Variants in CENPO observed in about 807,000 individuals in gnomAD.
CENPO encodes the protein centromeric protein O.
In CENPO, 30 loss-of-function variants were observed where a neutral mutation model predicts 36.1. The ratio of observed to expected loss-of-function variants is 0.83; its 90% CI spans 0.62 to 1.13. CENPO has a LOEUF of 1.13. Ranked by LOEUF, CENPO falls within the 50% of genes most tolerant of loss-of-function variation. The probability of loss-of-function intolerance (pLI) is 0.00; values close to 1 mark genes in which losing one functional copy is unlikely to be tolerated. For synonymous variants in CENPO, 171 were observed against 142.3 expected (o/e 1.20, Z -1.44); for missense variants, 349 against 357.8 (o/e 0.98, Z 0.20).
chr2:24,816,963 C>T (rs1666963489), intron 6 of CENPO, 146 bp downstream of exon 6: 4 of 648,458 alleles, frequency 6.2e-6, no homozygotes, highest in South Asian at 3.5e-5. Flanking sequence ...TAAGATAGAA[C>T]ATTCTTGTTT....
At chr2:24,795,227 A>G (rs1665839821) in intron 2 of CENPO, among the ~76,000 whole-genome samples, 4 of 152,130 alleles carry the variant, frequency 2.6e-5, no homozygotes, top group Non-Finnish European at 1.5e-5. Flanking sequence ...CCAAAACAAT[A>G]TTTAAACACT....
In CENPO at chr2:24,820,667, T is replaced by TC. The variant is rs1667499254; in HGVS notation, c.*1351dup. On this transcript the variant is annotated 3_prime_UTR_variant, in exon 8 of 8. Transcript: ENST00000380834. ...GCAGGGGCACGTGGGAAAGCACTGTTCCGGTTTTGTTCTCATGCCGAGTCT... is the reference window on the plus strand; with the variant it reads ...GCAGGGGCACGTGGGAAAGCACTGTTCCCGGTTTTGTTCTCATGCCGAGTCT... 1.9e-6 allele frequency: 3 copies of TC among 1,607,322 alleles called. No homozygotes were observed. In the African/African-American group the frequency reaches 4.0e-5, roughly 21 times the overall value.
chr2:24,799,768 C>G lies in CENPO; in HGVS notation c.140C>G (p.Ala47Gly). 6.2e-7 allele frequency: 1 copy of G among 1,614,040 alleles called. No individual in the cohort carries two copies. Among genetic ancestry groups the G allele is most frequent in the Non-Finnish European group, 8.5e-7 (1 of 1,180,032 alleles). ...ELQSVQAQEG[A>G]LGTKIHKLRR... Reference sequence around the variant, plus strand: ...CAGAGCGTGCAGGCCCAGGAAGGTGCTCTTGGAACCAAGATTCATAAACTA... The same window carrying G: ...CAGAGCGTGCAGGCCCAGGAAGGTGGTCTTGGAACCAAGATTCATAAACTA... Residue 47 changes from alanine (A) to glycine (G), a missense_variant, in exon 3 of 8, where the codon GCT becomes GGT. Ala to Gly is a moderately conservative substitution (Grantham distance 60, BLOSUM62 0). Coordinates refer to ENST00000380834, the MANE Select transcript of CENPO (RefSeq NM_001322101.2).
Position 24,821,986 on chromosome 2 carries a change from G to A in CENPO, c.*2668G>A. Reference sequence around the variant, plus strand: ...CTCAACTAGGTGATAAGCACTGGAGGGGGATGACCCGCCTTGGACGTGTTT... The same window carrying A: ...CTCAACTAGGTGATAAGCACTGGAGAGGGATGACCCGCCTTGGACGTGTTT... On this transcript the variant is annotated 3_prime_UTR_variant, in exon 8 of 8. Transcript: ENST00000380834. The A allele has an allele frequency of 7.6e-6, 2 of 262,562 alleles. No individual in the cohort carries two copies. The highest frequency in any genetic ancestry group is 9.0e-5 in the East Asian group (1 of 11,076). The allele number at this position is 262,562 out of a possible 1,614,324, so 16.3% of individuals were successfully genotyped here.
chr2:24,821,919 T>TCCTGGG lies in CENPO; in HGVS notation c.*2606_*2607insGCCTGG. ...ACCCCTTCACCTTGGCTGGGCCTGG[T>TCCTGGG]CCTGGTCCTTAGGTTTTGTCAGGTT... On this transcript the variant is annotated 3_prime_UTR_variant, in exon 8 of 8. Transcript: ENST00000380834. The TCCTGGG allele has an allele frequency of 5.1e-6, 2 of 392,194 alleles. No homozygotes were observed. Among genetic ancestry groups the TCCTGGG allele is most frequent in the East Asian group, 1.0e-4 (2 of 19,876 alleles). 24.3% of individuals were successfully genotyped at this position (392,194 alleles called of 1,614,324 possible). A position where few individuals can be genotyped will look rare whatever the true frequency, so the allele number is the denominator to read the frequency against.
Position 24,815,607 on chromosome 2 carries a change from C to T in CENPO, c.445C>T (p.Arg149Trp), listed in dbSNP as rs369252068. The change falls in exon 5 of 8, where the codon CGG becomes TGG. Residue 149 changes from arginine (R) to tryptophan (W), a missense_variant. By Grantham distance (101) the Arg-to-Trp change is moderately radical. Transcript: ENST00000380834. ...FVDLVIQKPL[R>W]IHHHSVPVFI... ...GGACCTTGTCATACAGAAACCACTC[C>T]GGATACATCACCATTCAGTCCCAGT... The T allele has an allele frequency of 2.2e-5, 35 of 1,613,946 alleles. No individual in the cohort carries two copies. The highest frequency in any genetic ancestry group is 1.6e-4 in the Middle Eastern group (1 of 6,084).
At chr2:24,809,113 C>T (rs1666562641) in intron 3 of CENPO, among the ~76,000 whole-genome samples, 1 of 152,166 alleles carries the variant, frequency 6.6e-6, no homozygotes, top group African/African-American at 2.4e-5. Context: ...TGTAAACTCT[C>T]ACATTTAAAG....
chr2:24,815,311 G>GT (rs1471581211), intron 4 of CENPO, among the ~76,000 whole-genome samples, 186 bp from the exon 5 acceptor site: 1 of 151,970 alleles, frequency 6.6e-6, no homozygotes, highest in Non-Finnish European at 1.5e-5. Context: ...TTCTTCCATG[G>GT]TTTTAACAAC....
Position 24,821,377 on chromosome 2 carries a change from T to G in CENPO, c.*2059T>G, listed in dbSNP as rs1667684119. 7.9e-7 allele frequency: 1 copy of G among 1,267,296 alleles called. No individual in the cohort carries two copies. Among genetic ancestry groups the G allele is most frequent in the African/African-American group, 1.5e-5 (1 of 66,734 alleles). 78.5% of individuals were successfully genotyped at this position (1,267,296 alleles called of 1,614,324 possible). ...TCGTCTGGACTAAAGGTCTTTCAGG[T>G]CTCCTTGCCCTGTGAGTGCGTGAAC... On this transcript the variant is annotated 3_prime_UTR_variant, in exon 8 of 8. Transcript: ENST00000380834.
chr2:24,820,761 C>T lies in CENPO; in HGVS notation c.*1443C>T. 2 of 1,614,146 alleles carry T rather than the reference C, an allele frequency of 1.2e-6. No homozygotes were observed. ...CATGACCCCCGTGGACTCCATCCTG[C>T]TGGCTACATTGACTGTATTGCCCCA... On this transcript the variant is annotated 3_prime_UTR_variant, in exon 8 of 8. Transcript: ENST00000380834.
chr2:24,819,331 C>CTGTT (rs10679825), intron 7 of CENPO, 23 bp from the exon 8 acceptor site: 10,167 of 152,690 alleles, frequency 0.067, 393 homozygotes, highest in East Asian at 0.18. Flanking sequence ...TGTAGAAGAT[C>CTGTT]TGTTTATATA....
chr2:24,811,626 T>C (rs1666696103), intron 3 of CENPO, among the ~76,000 whole-genome samples: 1 of 152,134 alleles, frequency 6.6e-6, no homozygotes, highest in Non-Finnish European at 1.5e-5. Flanking sequence ...CACGCCCAGC[T>C]AGTTTTTTGT....
In CENPO at chr2:24,821,036, T is replaced by G; in HGVS notation, c.*1718T>G. The G allele has an allele frequency of 1.3e-6, 1 of 778,302 alleles. No homozygotes were observed. The allele number at this position is 778,302 out of a possible 1,614,324, so 48.2% of individuals were successfully genotyped here. A position where few individuals can be genotyped will look rare whatever the true frequency, so the allele number is the denominator to read the frequency against. On this transcript the variant is annotated 3_prime_UTR_variant, in exon 8 of 8. Transcript: ENST00000380834. ...CCTGTTTATCCGTGTGCTTGTTAGG[T>G]GTCAGCCGCCACCCCCCCCCCATAT...
intron 3 of CENPO, among the ~76,000 whole-genome samples, chr2:24,809,771 G>A (rs766509755): frequency 1.3e-5 from 2 of 151,864 alleles, no homozygotes; most frequent in Non-Finnish European, 2.9e-5. Flanking sequence ...GAATGACTCA[G>A]CATGTGGTCA....
intron 3 of CENPO, among the ~76,000 whole-genome samples, chr2:24,812,264 CA>C (rs781098112): frequency 2.0e-5 from 3 of 152,246 alleles, no homozygotes; most frequent in Non-Finnish European, 4.4e-5. Context: ...AGTATCTTGT[CA>C]GGTGTGAAGT....
At chr2:24,812,763 G>A (rs1666754425) in intron 3 of CENPO, among the ~76,000 whole-genome samples, 1 of 151,900 alleles carries the variant, frequency 6.6e-6, no homozygotes, top group African/African-American at 2.4e-5. Context: ...CAGCTCTTTG[G>A]TCTGGGTTTC....
chr2:24,822,257 G>A lies in CENPO; in HGVS notation c.*2939G>A. 2.6e-6 allele frequency: 1 copy of A among 392,074 alleles called. No homozygotes were observed. The highest frequency in any genetic ancestry group is 4.4e-5 in the South Asian group (1 of 22,738). 24.3% of individuals were successfully genotyped at this position (392,074 alleles called of 1,614,324 possible). On this transcript the variant is annotated 3_prime_UTR_variant, in exon 8 of 8. Transcript: ENST00000380834. The stretch of plus-strand genomic sequence containing the variant: ...GTTCCTATGAAAGCACAGAGCCTTA[G>A]GGGGCCTGGCCACAGAACACAACCA...
At chr2:24,801,095 TC>T (rs1340078037) in intron 3 of CENPO, among the ~76,000 whole-genome samples, 1 of 152,274 alleles carries the variant, frequency 6.6e-6, no homozygotes, top group African/African-American at 2.4e-5. Context: ...GAGCATTTTT[TC>T]ATGTGTCTTT....
At chr2:24,812,012 C>T (rs145355290) in intron 3 of CENPO, among the ~76,000 whole-genome samples, 1 of 152,180 alleles carries the variant, frequency 6.6e-6, no homozygotes, top group Non-Finnish European at 1.5e-5. Context: ...CACATATTTA[C>T]CCTTTTCAGT....
Sources: allele counts gnomAD v4.1 joint callset (sites outside exome capture counted in the v4.1 genomes callset), GRCh38; gene constraint gnomAD v4.1.1; transcripts MANE v1.5; gene names NCBI Gene and HGNC (gene_info 2026-07-23, HGNC 2026-07-21).